The following HPSE2 variants were observed in gnomAD, a reference collection of about 807,000 sequenced individuals.
HPSE2 encodes heparanase 2 (inactive).
Under a neutral mutation model 60.5 loss-of-function variants are expected in HPSE2, and 38 were observed. That is an observed-to-expected ratio of 0.63 (90% CI 0.48 to 0.82). HPSE2 has a LOEUF of 0.82. Among genes scored for constraint, HPSE2 ranks in the 40% least tolerant of loss-of-function variants. The pLI, the probability that HPSE2 is intolerant of heterozygous loss-of-function variation, is 0.00. For missense variants in HPSE2, 713 were observed against 740.4 expected (o/e 0.96, Z 0.43); for synonymous variants, 295 against 293.2 (o/e 1.01, Z -0.06).
At chr10:99,184,999 T>A (rs1847949288) in intron 2 of HPSE2, among the ~76,000 whole-genome samples, 1 of 151,298 alleles carries the variant, frequency 6.6e-6, no homozygotes, top group Non-Finnish European at 1.5e-5. Context: ...GAAACCTTAA[T>A]GGTCAAAACT....
chr10:98,835,199 T>C (rs1324064196), intron 3 of HPSE2, among the ~76,000 whole-genome samples: 1 of 152,180 alleles, frequency 6.6e-6, no homozygotes, highest in Non-Finnish European at 1.5e-5. Flanking sequence ...AGAGGACAGA[T>C]GAACATGTTG....
intron 3 of HPSE2, among the ~76,000 whole-genome samples, chr10:98,799,458 C>T (rs1379198873): frequency 6.6e-6 from 1 of 152,172 alleles, no homozygotes; most frequent in Admixed American, 6.5e-5. Context: ...ATTTACAGAA[C>T]ATTCCATCCA....
intron 3 of HPSE2, among the ~76,000 whole-genome samples, chr10:99,097,015 T>C (rs1351208361): frequency 6.6e-6 from 1 of 152,182 alleles, no homozygotes; most frequent in African/African-American, 2.4e-5. Context: ...TCAGGAGTTA[T>C]ATCATTTGCA....
At chr10:98,585,486 G>A (rs1589456204) in intron 9 of HPSE2, among the ~76,000 whole-genome samples, 1 of 151,072 alleles carries the variant, frequency 6.6e-6, no homozygotes, top group East Asian at 2.0e-4. Flanking sequence ...TGGCCAGGAT[G>A]GTCTCAATCT....
rs997297995 is a variant in HPSE2, at chr10:99,095,192, G to GA, written c.610+49045dup. 2.9e-3 allele frequency among the ~76,000 whole-genome samples: 413 copies of GA among 144,872 alleles called. 3 individuals carry two copies. Among genetic ancestry groups the GA allele is most frequent in the Non-Finnish European group, 5.2e-3 (339 of 65,792 alleles). On this transcript the variant is annotated intron_variant, in intron 3 of 11. Coordinates refer to ENST00000370552, the MANE Select transcript of HPSE2 (RefSeq NM_021828.5). ...AGACCTGAGACTTTGTCTTTTGGAA[G>GA]AAAAAAAAAAGAAAAGAAAAGAATA...
intron 3 of HPSE2, among the ~76,000 whole-genome samples, chr10:99,142,887 A>AATATTAGAAT (rs1319518689): frequency 6.6e-6 from 1 of 152,124 alleles, no homozygotes; most frequent in Non-Finnish European, 1.5e-5. Context: ...AGTGCCTAAA[A>AATATTAGAAT]ATATTAGAAT....
chr10:98,872,634 C>T (rs1007042859), intron 3 of HPSE2, among the ~76,000 whole-genome samples: 4 of 152,120 alleles, frequency 2.6e-5, no homozygotes, highest in Non-Finnish European at 5.9e-5. Flanking sequence ...TGCCCCCTAT[C>T]ACTCAGAGCA....
chr10:98,725,975 T>A (rs535510413), intron 4 of HPSE2, among the ~76,000 whole-genome samples: 1 of 152,124 alleles, frequency 6.6e-6, no homozygotes, highest in East Asian at 1.9e-4. Flanking sequence ...TCATTAAAAA[T>A]CAGGAAACAA....
intron 3 of HPSE2, among the ~76,000 whole-genome samples, chr10:98,847,499 C>T (rs1455138851): frequency 2.0e-5 from 3 of 152,158 alleles, no homozygotes; most frequent in South Asian, 4.2e-4. Context: ...TGACCACTAC[C>T]CCAGGCATGG....
rs192529253 is a variant in HPSE2 at position 98,878,994 on chromosome 10, C to T, written c.611-134938G>A. On this transcript the variant is annotated intron_variant, in intron 3 of 11. Transcript: ENST00000370552. The stretch of plus-strand genomic sequence containing the variant: ...ACTTCACTGTTTCTATGTCTAGCAA[C>T]TGGGAGAAGAACGATGTCCTTTATC... Among the ~76,000 whole-genome samples the T allele has an allele frequency of 2.6e-4, 40 of 152,022 alleles. No individual in the cohort carries two copies. The East Asian group carries it at 7.4e-3, about 28-fold the overall frequency.
At chr10:99,254,591 G>GTGAT in the HPSE2 span, among the ~76,000 whole-genome samples, 1 of 152,172 alleles carries the variant, frequency 6.6e-6, no homozygotes, top group Admixed American at 6.5e-5. Context: ...CATTATTAAT[G>GTGAT]TGATTAGGTG....
intron 4 of HPSE2, among the ~76,000 whole-genome samples, chr10:98,733,610 C>T (rs932184153): frequency 6.6e-6 from 1 of 152,144 alleles, no homozygotes; most frequent in Non-Finnish European, 1.5e-5. Context: ...GAATGTGTTT[C>T]TTCACTTGTT....
At chr10:98,616,456 A>T (rs979091732) in intron 8 of HPSE2, among the ~76,000 whole-genome samples, 1 of 152,192 alleles carries the variant, frequency 6.6e-6, no homozygotes, top group Non-Finnish European at 1.5e-5. Flanking sequence ...AAAATTACGC[A>T]TAGTTATGAT....
chr10:99,191,808 A>G (rs1384069413), intron 2 of HPSE2, among the ~76,000 whole-genome samples: 2 of 152,236 alleles, frequency 1.3e-5, no homozygotes, highest in African/African-American at 4.8e-5. Context: ...AATCCTGGAG[A>G]GGCAGAGAAA....
chr10:99,049,574 G>C (rs995829803), intron 3 of HPSE2, among the ~76,000 whole-genome samples: 2 of 151,792 alleles, frequency 1.3e-5, no homozygotes, highest in African/African-American at 4.8e-5. Context: ...CTAGCTTCTA[G>C]TTAGAAACAG....
At chr10:98,937,771 G>C in intron 3 of HPSE2, among the ~76,000 whole-genome samples, 1 of 142,020 alleles carries the variant, frequency 7.0e-6, no homozygotes, top group South Asian at 2.1e-4. Flanking sequence ...TCTGAGAACG[G>C]GCAGACTGCC....
rs186781907 is a variant in HPSE2, at chr10:98,948,781, C to G, written c.610+195457G>C. 7.3e-3 allele frequency among the ~76,000 whole-genome samples: 1,106 copies of G among 152,218 alleles called. 8 individuals carry two copies. The highest frequency in any genetic ancestry group is 0.026 in the African/African-American group (1,065 of 41,532). ...CCACCCCCTCCTCTTCCACATCCTC[C>G]TCAGCCTTCTCAACATGAAGGCTTT... On this transcript the variant is annotated intron_variant, in intron 3 of 11. Coordinates refer to ENST00000370552, the MANE Select transcript of HPSE2 (RefSeq NM_021828.5).
At chr10:98,578,335 G>A (rs1367160291) in intron 9 of HPSE2, among the ~76,000 whole-genome samples, 1 of 152,118 alleles carries the variant, frequency 6.6e-6, no homozygotes, top group Non-Finnish European at 1.5e-5. Context: ...GGGGACCCAA[G>A]TCATGAGGTG....
At chr10:98,727,278 CA>C (rs1268780523) in intron 4 of HPSE2, among the ~76,000 whole-genome samples, 1 of 152,022 alleles carries the variant, frequency 6.6e-6, no homozygotes, top group Non-Finnish European at 1.5e-5. Flanking sequence ...CTCATACCAG[CA>C]AAAAACATAG....
Sources: gnomAD v4.1 joint callset for allele counts (sites outside exome capture counted in the v4.1 genomes callset) on GRCh38, gnomAD v4.1.1 for gene constraint, MANE v1.5 for transcripts, NCBI Gene and HGNC (gene_info 2026-07-23, HGNC 2026-07-21) for gene names.